The following DIAPH2 variants were observed in gnomAD, a reference collection of about 807,000 sequenced individuals.
DIAPH2 encodes protein diaphanous homolog 2.
Under a neutral mutation model 92.7 loss-of-function variants are expected in DIAPH2, and 35 were observed. The observed-to-expected ratio is 0.38, with a 90% CI of 0.29 to 0.50. DIAPH2 has a LOEUF of 0.50. DIAPH2 is among the 20% of genes least tolerant of loss of function. The pLI is 0.94. For synonymous variants in DIAPH2, 301 were observed against 280.4 expected, an observed-to-expected ratio of 1.07 and a Z score of -0.73; for missense variants, 701 against 819.5, an observed-to-expected ratio of 0.86 and a Z score of 1.77.
In DIAPH2 at chrX:96,937,346, A is replaced by C; in HGVS notation, c.1203A>C (p.Glu401Asp). 9.0e-7 allele frequency: 1 copy of C among 1,105,586 alleles called. No individual in the cohort carries two copies. Among genetic ancestry groups the C allele is most frequent in the Non-Finnish European group, 1.2e-6 (1 of 820,675 alleles). 91.1% of individuals were successfully genotyped at this position (1,105,586 alleles called of 1,213,427 possible). A position where few individuals can be genotyped will look rare whatever the true frequency, so the allele number is the denominator to read the frequency against. The change falls in exon 11 of 27, where the codon GAA becomes GAC. Residue 401 changes from glutamate to aspartate, a missense_variant. Glu to Asp is a conservative substitution (Grantham distance 45, BLOSUM62 2). Around this residue, in one of 3 missense-constraint regions of DIAPH2, gnomAD observed 536 missense variants for 599.3 expected, o/e 0.89. Transcript: ENST00000324765. ...ACCGTCTCAATGACATTCGAGCAGA[A>C]ATGGAATATCCTTTGACAAACCACA... ...LSHRLNDIRAEMDDMNEVYHL... is the reference protein window; with the variant it reads ...LSHRLNDIRADMDDMNEVYHL...
intron 26 of DIAPH2, among the ~76,000 whole-genome samples, chrX:97,536,990 AT>A (rs1285966913): frequency 8.9e-6 from 1 of 111,857 alleles, no homozygotes; most frequent in Non-Finnish European, 1.9e-5. Context: ...ATATTCACAT[AT>A]TTTTATTACA....
intron 26 of DIAPH2, among the ~76,000 whole-genome samples, chrX:97,517,405 A>G (rs2070957371): frequency 8.9e-6 from 1 of 111,988 alleles, no homozygotes; most frequent in Non-Finnish European, 1.9e-5. Context: ...TGCCTCTCAC[A>G]ACTTTCACAA....
intron 23 of DIAPH2, among the ~76,000 whole-genome samples, chrX:97,300,802 G>C (rs1337049188): frequency 2.0e-5 from 2 of 97,930 alleles, no homozygotes; most frequent in African/African-American, 3.6e-5. Context: ...CATGGTGGCG[G>C]GCGCCTGTAG....
At chrX:97,194,317 T>C (rs1465501827) in intron 22 of DIAPH2, among the ~76,000 whole-genome samples, 1 of 107,242 alleles carries the variant, frequency 9.3e-6, no homozygotes, top group Non-Finnish European at 1.9e-5. Flanking sequence ...AGTCTTGCTC[T>C]GTTGCCCAGG....
At chrX:97,099,644 A>G (rs769069996) in intron 19 of DIAPH2, 50 bp from the exon 20 acceptor site, 158 of 874,940 alleles carry the variant, frequency 1.8e-4, no homozygotes, top group Non-Finnish European at 2.3e-4. Flanking sequence ...TGCATGTTTA[A>G]AAATTCTAAT....
At chrX:97,034,086 C>T (rs2066394096) in intron 17 of DIAPH2, among the ~76,000 whole-genome samples, 1 of 14,700 alleles carries the variant, frequency 6.8e-5, no homozygotes, top group African/African-American at 2.6e-4. Flanking sequence ...TTAGTGTGTG[C>T]ATTTTTTTTT....
intron 20 of DIAPH2, among the ~76,000 whole-genome samples, chrX:97,111,202 T>A (rs1193122919): frequency 8.9e-6 from 1 of 112,093 alleles, no homozygotes; most frequent in African/African-American, 3.2e-5. Context: ...TCCCTTCTTT[T>A]CATCAAAACA....
intron 5 of DIAPH2, among the ~76,000 whole-genome samples, chrX:96,900,705 G>C (rs2065387491): frequency 8.9e-6 from 1 of 111,843 alleles, no homozygotes; most frequent in Non-Finnish European, 1.9e-5. Flanking sequence ...CATCTATTGA[G>C]ATGATGATAT....
chrX:97,169,892 A>AAAAC, intron 22 of DIAPH2, among the ~76,000 whole-genome samples: 1 of 112,045 alleles, frequency 8.9e-6, no homozygotes, highest in South Asian at 3.8e-4. Flanking sequence ...AAAAGTACCC[A>AAAAC]AAACAAACAA....
At chrX:96,735,816 C>T (rs2064083705) in intron 2 of DIAPH2, 26 bp downstream of exon 2, 2 of 893,675 alleles carry the variant, frequency 2.2e-6, no homozygotes, top group South Asian at 2.5e-5. Context: ...CATGTTATTA[C>T]ATTACTTATG....
intron 19 of DIAPH2, among the ~76,000 whole-genome samples, chrX:97,080,277 C>T (rs1345987045): frequency 9.3e-6 from 1 of 107,942 alleles, no homozygotes; most frequent in African/African-American, 3.4e-5. Context: ...TCTCCTCCCT[C>T]CCTTCTTTTC....
At chrX:97,167,224 T>A (rs1221351092) in intron 22 of DIAPH2, among the ~76,000 whole-genome samples, 1 of 87,953 alleles carries the variant, frequency 1.1e-5, no homozygotes. Flanking sequence ...TAGGGCGCTA[T>A]TCTGAAACTT....
intron 4 of DIAPH2, among the ~76,000 whole-genome samples, chrX:96,777,829 T>A (rs761148976): frequency 9.0e-5 from 10 of 111,704 alleles, no homozygotes; most frequent in African/African-American, 2.9e-4. Context: ...CAGTAATACC[T>A]TTATTAAAGA....
intron 26 of DIAPH2, among the ~76,000 whole-genome samples, chrX:97,525,690 A>G (rs1345381424): frequency 8.9e-6 from 1 of 112,471 alleles, no homozygotes. Flanking sequence ...CAGTATAAGT[A>G]TATCAAAGAA....
rs1335440422 is a variant in DIAPH2, at chrX:97,358,510, A to T, written c.3009+10230A>T. ...CAAAAGATTTTTTAAAAAAAATTATAAAAAATCAGTGGAAAACAATGTGCA... is the reference window on the plus strand; with the variant it reads ...CAAAAGATTTTTTAAAAAAAATTATTAAAAATCAGTGGAAAACAATGTGCA... On this transcript the variant is annotated intron_variant, in intron 24 of 26. Transcript: ENST00000324765. 2.7e-5 allele frequency among the ~76,000 whole-genome samples: 3 copies of T among 111,910 alleles called. 1 individual carries two copies. The highest frequency in any genetic ancestry group is 8.4e-3 in the Middle Eastern group (2 of 237).
intron 20 of DIAPH2, among the ~76,000 whole-genome samples, chrX:97,103,917 G>T (rs986581393): frequency 9.0e-6 from 1 of 111,028 alleles, no homozygotes; most frequent in Non-Finnish European, 1.9e-5. Context: ...TCCTGCTTAG[G>T]ACCATTGCAC....
chrX:97,586,411 C>A (rs1369630342), intron 26 of DIAPH2, among the ~76,000 whole-genome samples: 1 of 111,147 alleles, frequency 9.0e-6, no homozygotes, highest in Non-Finnish European at 1.9e-5. Flanking sequence ...CAATGAATCC[C>A]TAATTATTGT....
rs764885633 is a variant in DIAPH2, at chrX:96,708,932, G to C, written c.132+23742G>C. Among the ~76,000 whole-genome samples, 13 of 112,096 alleles carry C rather than the reference G, an allele frequency of 1.2e-4. No homozygotes were observed. In the South Asian group the frequency reaches 4.1e-3, roughly 35 times the overall value. On this transcript the variant is annotated intron_variant, in intron 1 of 26. Coordinates refer to ENST00000324765, the MANE Select transcript of DIAPH2 (RefSeq NM_006729.5). Reference sequence around the variant, plus strand: ...TGAGAGCAGCAGAGAGGCTTCCGGGGTTGAGGGTAGGCAAATAGGGCAAGA... The same window carrying C: ...TGAGAGCAGCAGAGAGGCTTCCGGGCTTGAGGGTAGGCAAATAGGGCAAGA...
intron 26 of DIAPH2, among the ~76,000 whole-genome samples, chrX:97,490,843 T>C (rs942061538): frequency 4.5e-5 from 5 of 112,055 alleles, no homozygotes; most frequent in Non-Finnish European, 9.4e-5. Flanking sequence ...TTCTGGAGAA[T>C]GTTCCATGTG....
Sources: allele counts gnomAD v4.1 joint callset (sites outside exome capture counted in the v4.1 genomes callset), GRCh38; gene constraint gnomAD v4.1.1; regional missense constraint gnomAD v4.1.1; transcripts MANE v1.5; gene names NCBI Gene and HGNC (gene_info 2026-07-23, HGNC 2026-07-21).